Variants in P2RY8 observed in about 807,000 individuals in gnomAD.
The protein encoded by P2RY8 is S-geranylgeranyl-glutathione receptor P2RY8.
A neutral mutation model predicts 10.0 loss-of-function variants in P2RY8; 6 were observed. That is an observed-to-expected ratio of 0.60 (90% confidence interval 0.33 to 1.19). The LOEUF (loss-of-function observed/expected upper bound fraction) is 1.19, where lower values mean the gene tolerates loss of function less well. P2RY8 is among the 50% of genes most tolerant of loss of function. The pLI, the probability that P2RY8 is intolerant of heterozygous loss-of-function variation, is 0.04. For synonymous variants in P2RY8, 276 were observed against 252.5 expected, an observed-to-expected ratio of 1.09 and a Z score of -0.88; for missense variants, 456 against 542.0, an observed-to-expected ratio of 0.84 and a Z score of 1.58.
At chrX:1,466,640 C>CCCGAGATATG in intron 1 of P2RY8, 58 bp from the exon 2 acceptor site, 1 of 1,493,630 alleles carries the variant, frequency 6.7e-7, no homozygotes, top group Non-Finnish European at 8.9e-7. Context: ...GAGGCGGCTG[C>CCCGAGATATG]CGGGAGGGCT....
intron 1 of P2RY8, among the ~76,000 whole-genome samples, chrX:1,523,786 G>A (rs1284058277): frequency 6.6e-6 from 1 of 152,108 alleles, no homozygotes; most frequent in East Asian, 1.9e-4. Context: ...GGGTTCAAGC[G>A]ATTCTCCTGC....
intron 1 of P2RY8, among the ~76,000 whole-genome samples, chrX:1,522,578 G>A (rs1267002077): frequency 6.6e-6 from 1 of 152,040 alleles, no homozygotes; most frequent in Non-Finnish European, 1.5e-5. Flanking sequence ...AGTGGCTTCA[G>A]GCCAGGAGTT....
intron 1 of P2RY8, among the ~76,000 whole-genome samples, chrX:1,505,659 G>A (rs756499073): frequency 1.3e-4 from 20 of 151,972 alleles, no homozygotes; most frequent in South Asian, 1.0e-3. Context: ...GTGTGGTGGC[G>A]GGCGCCTGTC....
chrX:1,483,198 G>T (rs2091955574), intron 1 of P2RY8, among the ~76,000 whole-genome samples: 1 of 152,222 alleles, frequency 6.6e-6, no homozygotes, highest in Admixed American at 6.5e-5. Flanking sequence ...GGTGGATTCT[G>T]CTCATCCTGT....
rs2091628527 is a variant in P2RY8 at position 1,464,191 on chromosome X, C to G, written c.*1288G>C. On this transcript the variant is annotated 3_prime_UTR_variant, in exon 2 of 2. Transcript: ENST00000381297. Reference sequence around the variant, plus strand: ...CTCCCACTCCCACCTCCAGAATGGTCTTTCTCGCCCAAGAGAGCCTGGGAT... The same window carrying G: ...CTCCCACTCCCACCTCCAGAATGGTGTTTCTCGCCCAAGAGAGCCTGGGAT... The G allele has an allele frequency of 8.6e-6, 2 of 233,328 alleles. No homozygotes were observed. Among genetic ancestry groups the G allele is most frequent in the South Asian group, 3.6e-4 (2 of 5,534 alleles). 14.5% of individuals were successfully genotyped at this position (233,328 alleles called of 1,614,324 possible).
At chrX:1,490,664 AAT>A (rs2092037146) in intron 1 of P2RY8, among the ~76,000 whole-genome samples, 2 of 142,372 alleles carry the variant, frequency 1.4e-5, no homozygotes, top group Non-Finnish European at 3.1e-5. Context: ...GGAATGAATG[AAT>A]GATACCCCAG....
intron 1 of P2RY8, among the ~76,000 whole-genome samples, chrX:1,530,181 TATCTATCTATCTATCTA>T (rs1445617634): frequency 1.5e-3 from 202 of 136,472 alleles, no homozygotes; most frequent in African/African-American, 5.9e-3. Context: ...TCTATCTATC[TATCTATCTATCTATCTA>T]TCTATCTATC....
chrX:1,475,959 G>A (rs1320493492), intron 1 of P2RY8, among the ~76,000 whole-genome samples: 2 of 152,136 alleles, frequency 1.3e-5, no homozygotes. Flanking sequence ...GAACCACTAG[G>A]GTAGGGAAGG....
At chrX:1,481,668 C>T (rs1390127095) in intron 1 of P2RY8, among the ~76,000 whole-genome samples, 1 of 152,048 alleles carries the variant, frequency 6.6e-6, no homozygotes, top group Non-Finnish European at 1.5e-5. Flanking sequence ...CAGCTTCCAA[C>T]CCTCGCACCC....
intron 1 of P2RY8, among the ~76,000 whole-genome samples, chrX:1,473,343 T>C (rs1234752372): frequency 2.5e-5 from 3 of 119,782 alleles, no homozygotes; most frequent in Non-Finnish European, 3.4e-5. Flanking sequence ...CATGGGTGGA[T>C]GAATGGTGGA....
intron 1 of P2RY8, among the ~76,000 whole-genome samples, chrX:1,522,481 C>T (rs1175659117): frequency 2.6e-5 from 4 of 152,164 alleles, no homozygotes; most frequent in African/African-American, 9.7e-5. Context: ...AGAGATTCAA[C>T]AACCAAGATG....
At chrX:1,471,413 C>T (rs28621499) in intron 1 of P2RY8, among the ~76,000 whole-genome samples, 34,434 of 146,748 alleles carry the variant, frequency 0.23, 5,190 homozygotes, top group East Asian at 0.57. Context: ...ATCCACCCTC[C>T]TCGGCCTCCC....
At chrX:1,511,655 G>A (rs1321962951) in intron 1 of P2RY8, among the ~76,000 whole-genome samples, 3 of 152,296 alleles carry the variant, frequency 2.0e-5, no homozygotes, top group East Asian at 3.9e-4. Flanking sequence ...AAAGCACTGG[G>A]GTGAAAGACA....
intron 1 of P2RY8, among the ~76,000 whole-genome samples, chrX:1,471,934 G>C (rs1476190229): frequency 2.0e-5 from 3 of 152,142 alleles, no homozygotes; most frequent in Non-Finnish European, 4.4e-5. Flanking sequence ...CCAGCCCCGT[G>C]CTTGTCGTCT....
chrX:1,528,432 G>C (rs752284586), intron 1 of P2RY8, among the ~76,000 whole-genome samples: 131 of 152,352 alleles, frequency 8.6e-4, no homozygotes, highest in African/African-American at 2.9e-3. Flanking sequence ...TCACAGCTCT[G>C]AGCAGCAGGC....
chrX:1,527,561 AT>A (rs1241618182), intron 1 of P2RY8, among the ~76,000 whole-genome samples: 5 of 151,918 alleles, frequency 3.3e-5, no homozygotes, highest in African/African-American at 1.2e-4. Flanking sequence ...TCATTCAATC[AT>A]TTATTCCTTA....
intron 1 of P2RY8, among the ~76,000 whole-genome samples, chrX:1,490,600 C>A (rs1347597826): frequency 3.4e-5 from 5 of 146,548 alleles, no homozygotes; most frequent in African/African-American, 1.3e-4. Flanking sequence ...ATATTCCCTG[C>A]AAATGTGGGG....
chrX:1,463,013 AC>A lies in P2RY8; in HGVS notation c.*2465del. On this transcript the variant is annotated 3_prime_UTR_variant, in exon 2 of 2. Transcript: ENST00000381297. Reference sequence around the variant, plus strand: ...AATCGACGCATTTTGCCTGCTTGCAACGTCTTCCTTTGCTGGGGGACGTCAG... The same window carrying A: ...AATCGACGCATTTTGCCTGCTTGCAAGTCTTCCTTTGCTGGGGGACGTCAG... The A allele has an allele frequency of 4.3e-6, 1 of 232,768 alleles. No individual in the cohort carries two copies. The highest frequency in any genetic ancestry group is 6.0e-5 in the East Asian group (1 of 16,572). The allele number at this position is 232,768 out of a possible 1,614,324, so 14.4% of individuals were successfully genotyped here.
At chrX:1,488,619 G>A (rs1187340105) in intron 1 of P2RY8, among the ~76,000 whole-genome samples, 1 of 152,110 alleles carries the variant, frequency 6.6e-6, no homozygotes, top group East Asian at 1.9e-4. Context: ...ATGGGTGCCA[G>A]CTCCTGCCTC....
Sources: gnomAD v4.1 joint callset for allele counts (sites outside exome capture counted in the v4.1 genomes callset) on GRCh38, gnomAD v4.1.1 for gene constraint, MANE v1.5 for transcripts, NCBI Gene and HGNC (gene_info 2026-07-23, HGNC 2026-07-21) for gene names.